Variants in HIP1R observed in about 807,000 individuals in gnomAD.
The protein encoded by HIP1R is huntingtin interacting protein 1 related.
A neutral mutation model predicts 144.2 loss-of-function variants in HIP1R; 135 were observed. The observed-to-expected ratio is 0.94, with a 90% CI of 0.81 to 1.08. The LOEUF (loss-of-function observed/expected upper bound fraction) is 1.08. HIP1R is among the 50% of genes least tolerant of loss of function. HIP1R has a pLI of 0.00. For missense variants in HIP1R, 1,462 were observed against 1,432.8 expected (o/e 1.02, Z -0.33); for synonymous variants, 698 against 612.8 (o/e 1.14, Z -2.05).
intron 1 of HIP1R, among the ~76,000 whole-genome samples, chr12:122,847,114 ACAG>A (rs1185209001): frequency 6.6e-6 from 1 of 152,092 alleles, no homozygotes. Context: ...CATGGCCTGG[ACAG>A]CTCTTCTCAG....
intron 26 of HIP1R, 62 bp downstream of exon 26, chr12:122,860,272 C>T: frequency 6.5e-7 from 1 of 1,533,198 alleles, no homozygotes; most frequent in Non-Finnish European, 8.8e-7. Flanking sequence ...CCTAGGCCAC[C>T]CTGGGCATGA....
intron 31 of HIP1R, 74 bp from the exon 32 acceptor site, chr12:122,861,632 A>G: frequency 6.3e-7 from 1 of 1,589,738 alleles, no homozygotes. Context: ...TGCAGGGAGG[A>G]GCTTGCTCAA....
chr12:122,854,341 A>G (rs1403207216), intron 8 of HIP1R, among the ~76,000 whole-genome samples, 158 bp downstream of exon 8: 2 of 1,128 alleles, frequency 1.8e-3, no homozygotes, highest in Middle Eastern at 0.25. Context: ...ATATTTTATG[A>G]AAAAAAAAAA....
In HIP1R at chr12:122,850,840, CCA is replaced by C; in HGVS notation, c.445_446del (p.Gln149ValfsTer10). 1 of 1,608,942 alleles carries C rather than the reference CCA, an allele frequency of 6.2e-7. No homozygotes were observed. The highest frequency in any genetic ancestry group is 8.5e-7 in the Non-Finnish European group (1 of 1,178,406). ...GGTGGGGGTTCTCTCCACAGCATCC[CCA>C]GTTTCCCGCGGGCCTGGAGGTGACA... ...TKISFHLKHP[Q>X]FPAGLEVTDE... is the part of the protein sequence containing the mutation. On this transcript the variant is annotated frameshift_variant, in exon 6 of 32. Coordinates refer to ENST00000253083, the MANE Select transcript of HIP1R (RefSeq NM_003959.3). LOFTEE classifies it high-confidence loss of function.
chr12:122,855,354 G>C lies in HIP1R; in HGVS notation c.942G>C (p.Glu314Asp). The change falls in exon 11 of 32, where the codon GAG becomes GAC. Residue 314 changes from glutamate (E) to aspartate (D), a missense_variant. By Grantham distance (45) the Glu-to-Asp change is conservative. Around this residue, in one of 2 missense-constraint regions of HIP1R, gnomAD observed 1,112 missense variants for 1,011.7 expected, o/e 1.10. Coordinates refer to ENST00000253083, the MANE Select transcript of HIP1R (RefSeq NM_003959.3). Reference sequence around the variant, plus strand: ...CCGAGGAGGCCCCGGAAGATGAGGAGCCGGAGAATCTCATTGAGATCAGCA... The same window carrying C: ...CCGAGGAGGCCCCGGAAGATGAGGACCCGGAGAATCTCATTGAGATCAGCA... ...VIPEEAPEDE[E>D]PENLIEISTG... The C allele has an allele frequency of 6.2e-7, 1 of 1,604,538 alleles. No homozygotes were observed. Among genetic ancestry groups the C allele is most frequent in the South Asian group, 1.1e-5 (1 of 90,134 alleles).
intron 18 of HIP1R, 114 bp from the exon 19 acceptor site, chr12:122,857,988 C>A: frequency 1.1e-6 from 1 of 882,450 alleles, no homozygotes; most frequent in South Asian, 1.9e-5. Context: ...CCCCCCTGAC[C>A]AGTGAGGGTC....
chr12:122,835,525 G>C lies in HIP1R; in HGVS notation c.-26G>C. 7.5e-7 allele frequency: 1 copy of C among 1,329,170 alleles called. No homozygotes were observed. The highest frequency in any genetic ancestry group is 9.7e-7 in the Non-Finnish European group (1 of 1,031,946). The allele number at this position is 1,329,170 out of a possible 1,614,324, so 82.3% of individuals were successfully genotyped here. On this transcript the variant is annotated 5_prime_UTR_variant, in exon 1 of 32. Transcript: ENST00000253083. ...GGCTGTGAGTCGCGCGGACGGAGCC[G>C]GACAAAAGCGGGCGGCGGCGGCAGG...
chr12:122,843,309 CT>C (rs2033111074), intron 1 of HIP1R, among the ~76,000 whole-genome samples: 1 of 152,208 alleles, frequency 6.6e-6, no homozygotes, highest in Non-Finnish European at 1.5e-5. Flanking sequence ...TATTTATGAC[CT>C]TGGACAGGTG....
chr12:122,848,957 G>C, intron 4 of HIP1R, 105 bp downstream of exon 4: 1 of 1,193,912 alleles, frequency 8.4e-7, no homozygotes, highest in Non-Finnish European at 1.2e-6. Flanking sequence ...CGGGTGGCTG[G>C]GTTTTCCCAG....
chr12:122,857,165 C>G lies in HIP1R; in HGVS notation c.1765C>G (p.Gln589Glu), dbSNP rs1014827064. The G allele has an allele frequency of 8.4e-6, 13 of 1,550,310 alleles. No homozygotes were observed. The highest frequency in any genetic ancestry group is 3.9e-5 in the Admixed American group (2 of 50,982). The part of the protein sequence containing the change: ...ETEAALSREQ[Q>E]RSSQEQGELQ... ...AGAGGCGGCGCTGAGCCGGGAGCAGCAGCGCAGCTCCCAGGAGCAGGGCGA... is the reference window on the plus strand; with the variant it reads ...AGAGGCGGCGCTGAGCCGGGAGCAGGAGCGCAGCTCCCAGGAGCAGGGCGA... Residue 589 changes from glutamine to glutamate, a missense_variant, in exon 18 of 32, where the codon CAG becomes GAG. Physicochemically the swap from Gln to Glu is conservative, Grantham distance 29. Around this residue, in one of 2 missense-constraint regions of HIP1R, gnomAD observed 1,112 missense variants for 1,011.7 expected, o/e 1.10. Transcript: ENST00000253083.
At chr12:122,859,861 GCCGAGGTGGGCTCCCCGTGGCC>G in intron 24 of HIP1R, 31 bp downstream of exon 24, 1 of 1,597,884 alleles carries the variant, frequency 6.3e-7, no homozygotes. Flanking sequence ...CCCAGGCCCA[GCCGAGGTGGGCTCCCCGTGGCC>G]CCTAAGGTTC....
Position 122,859,091 on chromosome 12 carries a change from C to T in HIP1R, c.2189C>T (p.Ala730Val). The change falls in exon 22 of 32, where the codon GCC becomes GTC. Residue 730 changes from alanine to valine, a missense_variant. This residue lies in a region of HIP1R where 1,112 missense variants were observed against 1,011.7 expected (regional missense o/e 1.10). Transcript: ENST00000253083. ...RLIDTCRECG[A>V]RALELMGQLQ... Reference sequence around the variant, plus strand: ...ATAGACACCTGCAGGGAGTGCGGGGCCCGGGCTCTGGAGCTCATGGGGCAG... The same window carrying T: ...ATAGACACCTGCAGGGAGTGCGGGGTCCGGGCTCTGGAGCTCATGGGGCAG... The T allele has an allele frequency of 6.2e-7, 1 of 1,603,854 alleles. No individual in the cohort carries two copies. The highest frequency in any genetic ancestry group is 8.5e-7 in the Non-Finnish European group (1 of 1,175,930).
At chr12:122,859,010 A>G in intron 21 of HIP1R, 51 bp from the exon 22 acceptor site, 1 of 1,568,502 alleles carries the variant, frequency 6.4e-7, no homozygotes, top group South Asian at 1.1e-5. Flanking sequence ...GGGGGTCCTT[A>G]TGGAGCCTGT....
chr12:122,849,093 C>T (rs1318913664), intron 4 of HIP1R, among the ~76,000 whole-genome samples: 1 of 152,200 alleles, frequency 6.6e-6, no homozygotes, highest in Non-Finnish European at 1.5e-5. Context: ...TTAGTCCTCA[C>T]GAGTTGGGAA....
upstream of HIP1R, chr12:122,835,336 G>C: frequency 1.1e-6 from 1 of 929,612 alleles, no homozygotes; most frequent in Non-Finnish European, 1.3e-6. Flanking sequence ...TGGAGTTGGG[G>C]GCGGGCGAGG....
In HIP1R at chr12:122,859,529, G is replaced by A. The variant is rs758837319; in HGVS notation, c.2399G>A (p.Arg800Lys). ...GCAGCCATTGAAGATGCTGTGCGGA[G>A]GATTGAGGTGAGCACGGGATCTGGG... ...TSAAIEDAVR[R>K]IEDMMNQARH... The change falls in exon 23 of 32, where the codon AGG (arginine) becomes AAG (lysine). Residue 800 changes from arginine to lysine, a missense_variant. Around this residue, in one of 2 missense-constraint regions of HIP1R, gnomAD observed 1,112 missense variants for 1,011.7 expected, o/e 1.10. Transcript: ENST00000253083. 6.2e-7 allele frequency: 1 copy of A among 1,611,352 alleles called. No homozygotes were observed. Among genetic ancestry groups the A allele is most frequent in the South Asian group, 1.1e-5 (1 of 91,032 alleles).
In HIP1R at chr12:122,855,462, CG is replaced by C. The variant is rs2033538211; in HGVS notation, c.993+60del. ...TCCTCCAGCTGCAGCATGAGGCCAA[CG>C]GGAGTGTCGGGTGGCCAGCCCTCCC... On this transcript the variant is annotated intron_variant, in intron 11 of 31. Coordinates refer to ENST00000253083, the MANE Select transcript of HIP1R (RefSeq NM_003959.3). The C allele has an allele frequency of 3.2e-6, 5 of 1,546,856 alleles. No homozygotes were observed. The East Asian group carries it at 1.2e-4, about 38-fold the overall frequency.
At chr12:122,841,477 A>G (rs1450442224) in intron 1 of HIP1R, among the ~76,000 whole-genome samples, 4 of 152,156 alleles carry the variant, frequency 2.6e-5, no homozygotes, top group African/African-American at 9.6e-5. Context: ...GTGGATGCTC[A>G]GGGGCCAGTG....
At position 122,855,254 on chromosome 12, in the gene HIP1R, C is replaced by T. The variant is rs116483556; in HGVS notation, c.853-11C>T. On this transcript the variant is annotated splice_polypyrimidine_tract_variant and intron_variant, in intron 10 of 31. Transcript: ENST00000253083. ...GGACAGCTGAGCAGGTCCCACCTGC[C>T]GCCCCTGCAGGGACCCCCTAACTTC... is the stretch of plus-strand genomic sequence containing the variant. The T allele has an allele frequency of 4.3e-3, 6,968 of 1,612,444 alleles. 232 individuals carry two copies. In the African/African-American group the frequency reaches 0.08, roughly 18 times the overall value.
Sources: allele counts gnomAD v4.1 joint callset (sites outside exome capture counted in the v4.1 genomes callset), GRCh38; gene constraint gnomAD v4.1.1; regional missense constraint gnomAD v4.1.1; transcripts MANE v1.5; gene names NCBI Gene and HGNC (gene_info 2026-07-23, HGNC 2026-07-21).